The following MSANTD7 variants were observed in gnomAD, a reference collection of about 807,000 sequenced individuals.
The protein encoded by MSANTD7 is zinc finger and SCAN domain containing 29.
the MSANTD7 span, chr10:14,845,753 G>A: frequency 5.7e-6 from 1 of 174,114 alleles, no homozygotes; most frequent in South Asian, 1.9e-4. Flanking sequence ...GTAGAGACGG[G>A]GTTTCACCAT....
At chr10:14,842,169 A>G in the MSANTD7 span, 14 of 1,534,910 alleles carry the variant, frequency 9.1e-6, no homozygotes, top group Middle Eastern at 1.7e-4. This position sits in a 1 kb window ranked among gnomAD's most constrained non-coding sequence, Gnocchi z 5.2. Flanking sequence ...CTTCTCAGCA[A>G]TTATCCCTGA....
the MSANTD7 span, chr10:14,843,497 C>G: frequency 6.4e-7 from 1 of 1,550,678 alleles, no homozygotes; most frequent in African/African-American, 1.4e-5. Flanking sequence ...TGCACCAGCA[C>G]CAACCGCAGC....
At chr10:14,842,315 C>A in the MSANTD7 span, 1 of 1,535,936 alleles carries the variant, frequency 6.5e-7, no homozygotes, top group South Asian at 1.2e-5. This position sits in a 1 kb window ranked among gnomAD's most constrained non-coding sequence, Gnocchi z 5.2. Flanking sequence ...TGCGGGCATC[C>A]GGTGGTCCAG....
the MSANTD7 span, chr10:14,846,954 G>T: frequency 1.0e-6 from 1 of 985,390 alleles, no homozygotes; most frequent in African/African-American, 1.7e-5. Context: ...TTGTTTTTCT[G>T]TTCGGTAATC....
chr10:14,842,978 C>T, the MSANTD7 span: 1 of 745,540 alleles, frequency 1.3e-6, no homozygotes, highest in Non-Finnish European at 2.1e-6. This position sits in a 1 kb window ranked among gnomAD's most constrained non-coding sequence, Gnocchi z 5.2. Context: ...CGCACCTTTT[C>T]AAAAACCTAA....
the MSANTD7 span, chr10:14,841,153 T>A: frequency 6.6e-6 from 1 of 152,234 alleles, no homozygotes; most frequent in Non-Finnish European, 1.5e-5. Context: ...TTGATATTAA[T>A]CTTTTTCCTC....
the MSANTD7 span, chr10:14,840,011 T>G: frequency 1.9e-6 from 3 of 1,552,820 alleles, no homozygotes; most frequent in East Asian, 6.8e-5. Flanking sequence ...TTTTTGTACT[T>G]CTGAAATAAT....
At chr10:14,842,509 G>A in the MSANTD7 span, 17 of 1,536,136 alleles carry the variant, frequency 1.1e-5, no homozygotes, top group Non-Finnish European at 1.5e-5. This position sits in a 1 kb window ranked among gnomAD's most constrained non-coding sequence, Gnocchi z 5.2. Flanking sequence ...TATATTTAAA[G>A]GCCTATGTTG....
At chr10:14,842,754 A>C in the MSANTD7 span, 6 of 1,536,580 alleles carry the variant, frequency 3.9e-6, no homozygotes, top group Non-Finnish European at 5.2e-6. The surrounding 1 kb of genome is among the most constrained non-coding windows in gnomAD (Gnocchi z 5.2). Context: ...AAAACAGTTA[A>C]GGCATCAGAT....
At chr10:14,843,708 A>G in the MSANTD7 span, 1 of 1,539,628 alleles carries the variant, frequency 6.5e-7, no homozygotes, top group East Asian at 2.4e-5. Context: ...GGGAGGAAGA[A>G]AAACTGGACA....
the MSANTD7 span, chr10:14,846,544 A>C: frequency 1.0e-6 from 1 of 985,364 alleles, no homozygotes; most frequent in African/African-American, 1.7e-5. Context: ...CAAGCCAGGA[A>C]TCTGCCTATG....
the MSANTD7 span, chr10:14,842,899 C>T: frequency 2.4e-6 from 3 of 1,245,664 alleles, no homozygotes; most frequent in Admixed American, 2.5e-5. This position sits in a 1 kb window ranked among gnomAD's most constrained non-coding sequence, Gnocchi z 5.2. Flanking sequence ...TGGCTCTAAA[C>T]ATTTAGCTGT....
chr10:14,843,380 A>G, the MSANTD7 span: 1 of 1,550,792 alleles, frequency 6.4e-7, no homozygotes, highest in Non-Finnish European at 8.7e-7. Flanking sequence ...GGGTGCTCTC[A>G]AGGGACCCCC....
At chr10:14,842,748 C>G in the MSANTD7 span, 2 of 1,536,572 alleles carry the variant, frequency 1.3e-6, no homozygotes, top group East Asian at 4.9e-5. The surrounding 1 kb of genome is among the most constrained non-coding windows in gnomAD (Gnocchi z 5.2). Flanking sequence ...ATCTTGAAAA[C>G]AGTTAAGGCA....
the MSANTD7 span, chr10:14,844,310 A>AT: frequency 8.5e-5 from 90 of 1,060,736 alleles, no homozygotes; most frequent in Non-Finnish European, 9.6e-5. Context: ...CACTGTACAC[A>AT]TTTAAGTTAT....
chr10:14,845,660 C>T, the MSANTD7 span: 1 of 418,734 alleles, frequency 2.4e-6, no homozygotes, highest in Admixed American at 6.4e-5. Flanking sequence ...GTGGTGCAAT[C>T]TTGGCTCACT....
chr10:14,846,921 T>C, the MSANTD7 span: 1 of 985,442 alleles, frequency 1.0e-6, no homozygotes, highest in Non-Finnish European at 1.2e-6. Flanking sequence ...TAAGGTGCTA[T>C]GTATACCAAC....
the MSANTD7 span, chr10:14,841,049 T>C: frequency 6.6e-6 from 1 of 152,320 alleles, no homozygotes; most frequent in Non-Finnish European, 1.5e-5. Flanking sequence ...CTGGTGTTGA[T>C]TTAGAATTGG....
chr10:14,838,496 G>A, the MSANTD7 span: 1 of 1,558,194 alleles, frequency 6.4e-7, no homozygotes, highest in South Asian at 1.2e-5. Flanking sequence ...GCTTCATGAC[G>A]GCCACCCGGT....
Sources: gnomAD v4.1 joint callset for allele counts on GRCh38, gnomAD v4.1.1 for gene constraint, Gnocchi (gnomAD v3.1) non-coding constraint, MANE v1.5 for transcripts, NCBI Gene and HGNC (gene_info 2026-07-23, HGNC 2026-07-21) for gene names.